Variants in FARP1 observed in about 807,000 individuals in gnomAD.
The protein encoded by FARP1 is FERM, ARH/RhoGEF and pleckstrin domain protein 1, also known as FERM, ARHGEF and pleckstrin domain-containing protein 1.
In FARP1, 52 loss-of-function variants were observed where a neutral mutation model predicts 128.8. The ratio of observed to expected loss-of-function variants is 0.40; its 90% CI spans 0.32 to 0.51. The LOEUF is 0.51. FARP1 is among the 20% of genes least tolerant of loss of function. The pLI, the probability that FARP1 is intolerant of heterozygous loss-of-function variation, is 0.45. For missense variants in FARP1, 1,333 were observed against 1,367.9 expected, an observed-to-expected ratio of 0.97 and a Z score of 0.40; for synonymous variants, 580 against 551.8, an observed-to-expected ratio of 1.05 and a Z score of -0.72.
chr13:98,327,865 A>G (rs1314473662), intron 2 of FARP1, among the ~76,000 whole-genome samples: 1 of 152,208 alleles, frequency 6.6e-6, no homozygotes, highest in African/African-American at 2.4e-5. Context: ...CCAGAAACAG[A>G]CACTTCAGAG....
intron 2 of FARP1, among the ~76,000 whole-genome samples, chr13:98,287,208 C>CTTTTTTTTTTTTTTTTTTTTTTTT (rs71111939): frequency 2.6e-5 from 2 of 75,846 alleles, no homozygotes; most frequent in South Asian, 4.4e-4. Flanking sequence ...TCAGACATGT[C>CTTTTTTTTTTTTTTTTTTTTTTTT]TTTTTTTTTT....
intron 2 of FARP1, among the ~76,000 whole-genome samples, chr13:98,268,608 C>T (rs1303880154): frequency 1.3e-5 from 2 of 152,148 alleles, no homozygotes; most frequent in Non-Finnish European, 2.9e-5. Context: ...CCTGGGATTA[C>T]AGGCGCCCAC....
At chr13:98,444,577 AC>A (rs374740189) in intron 24 of FARP1, among the ~76,000 whole-genome samples, 202 of 152,240 alleles carry the variant, frequency 1.3e-3, no homozygotes, top group African/African-American at 4.8e-3. Context: ...GCCAGGATGG[AC>A]CCGACACAGG....
intron 2 of FARP1, among the ~76,000 whole-genome samples, chr13:98,282,077 G>A (rs1884962452): frequency 6.6e-6 from 1 of 152,102 alleles, no homozygotes; most frequent in African/African-American, 2.4e-5. Context: ...GGCCTAGGTG[G>A]GCGGATCACT....
chr13:98,405,265 T>C (rs1890929511), intron 13 of FARP1: 1 of 152,226 alleles, frequency 6.6e-6, no homozygotes, highest in South Asian at 2.1e-4. Context: ...GGAAGAATGA[T>C]GAGCGTGTTT....
chr13:98,165,710 G>GTTTGTTTTTTTTTTTTTTTTTTTT (rs1877205378), intron 1 of FARP1, among the ~76,000 whole-genome samples: 1 of 74,120 alleles, frequency 1.3e-5, no homozygotes, highest in Non-Finnish European at 2.4e-5. Flanking sequence ...TCCAGAAGGG[G>GTTTGTTTTTTTTTTTTTTTTTTTT]TTTTTTTTTT....
In FARP1 at chr13:98,160,756, C is replaced by T. The variant is rs577704424; in HGVS notation, c.-24+17264C>T. On this transcript the variant is annotated intron_variant, in intron 1 of 26. Coordinates refer to ENST00000319562, the MANE Select transcript of FARP1 (RefSeq NM_005766.4). ...TCGGCTCACTGCAACCTCCACTTCC[C>T]GGTTCAAGTGATTCTCCTGCCTCAG... Among the ~76,000 whole-genome samples, 23 of 152,146 alleles carry T rather than the reference C, an allele frequency of 1.5e-4. No homozygotes were observed. In the East Asian group the frequency reaches 2.3e-3, roughly 15 times the overall value.
intron 16 of FARP1, among the ~76,000 whole-genome samples, chr13:98,418,178 G>A (rs905885856): frequency 2.0e-5 from 3 of 152,142 alleles, no homozygotes; most frequent in African/African-American, 7.2e-5. Flanking sequence ...GCTTTTCAAG[G>A]TGCTAGGATT....
chr13:98,252,677 C>A lies in FARP1; in HGVS notation c.171+39264C>A, dbSNP rs142441312. Among the ~76,000 whole-genome samples the A allele has an allele frequency of 9.6e-3, 1,461 of 152,260 alleles. 18 individuals are homozygous for A. Among genetic ancestry groups the A allele is most frequent in the African/African-American group, 0.033 (1,359 of 41,546 alleles). On this transcript the variant is annotated intron_variant, in intron 2 of 26. Coordinates refer to ENST00000319562, the MANE Select transcript of FARP1 (RefSeq NM_005766.4). ...GTGTTCTTTAAACATTTATTGAAGACCTTTGTCTTTAATACCCACCCACTT... is the reference window on the plus strand; with the variant it reads ...GTGTTCTTTAAACATTTATTGAAGAACTTTGTCTTTAATACCCACCCACTT...
chr13:98,295,094 CACACACACACATATA>C (rs2139678323), intron 2 of FARP1, among the ~76,000 whole-genome samples: 1 of 40,492 alleles, frequency 2.5e-5, no homozygotes, highest in East Asian at 6.2e-4. Flanking sequence ...CACACACACA[CACACACACACATATA>C]TCCCCAGGCA....
intron 1 of FARP1, among the ~76,000 whole-genome samples, chr13:98,145,093 T>A (rs1875421983): frequency 1.3e-5 from 2 of 152,196 alleles, no homozygotes; most frequent in Non-Finnish European, 2.9e-5. Context: ...ATAGAAGCAT[T>A]ATTGGGCAAT....
intron 1 of FARP1, among the ~76,000 whole-genome samples, chr13:98,165,961 C>T (rs1481305955): frequency 1.3e-5 from 2 of 151,928 alleles, no homozygotes; most frequent in Non-Finnish European, 2.9e-5. Flanking sequence ...CTCAGGTGAT[C>T]CACCTGCCTT....
Position 98,417,630 on chromosome 13 carries a change from G to A in FARP1, c.1826+5596G>A, listed in dbSNP as rs561972997. ...AGTCCTGCAGGGGTAAGAGATGTGA[G>A]AAGGGTGTCCTGAGGGATTGGAGAT... On this transcript the variant is annotated intron_variant, in intron 16 of 26. Coordinates refer to ENST00000319562, the MANE Select transcript of FARP1 (RefSeq NM_005766.4). Among the ~76,000 whole-genome samples the A allele has an allele frequency of 9.9e-5, 15 of 152,238 alleles. No individual in the cohort carries two copies. The South Asian group carries it at 3.1e-3, about 32-fold the overall frequency.
chr13:98,379,361 T>C (rs7327322), intron 6 of FARP1, among the ~76,000 whole-genome samples: 56,950 of 149,442 alleles, frequency 0.38, 12,850 homozygotes, highest in African/African-American at 0.65. Context: ...GTAATTTTTA[T>C]CTTTCTTGTG....
intron 2 of FARP1, among the ~76,000 whole-genome samples, chr13:98,337,778 G>T (rs553527491): frequency 1.8e-3 from 281 of 152,028 alleles, no homozygotes; most frequent in African/African-American, 6.6e-3. Flanking sequence ...CTATCTCATC[G>T]TTGGCTTTCA....
intron 2 of FARP1, among the ~76,000 whole-genome samples, chr13:98,259,191 C>T (rs1470094540): frequency 6.6e-6 from 1 of 152,074 alleles, no homozygotes; most frequent in Non-Finnish European, 1.5e-5. Flanking sequence ...ACTGTCACCC[C>T]TGGGCAACAG....
chr13:98,417,918 G>A (rs578112181), intron 16 of FARP1, among the ~76,000 whole-genome samples: 2 of 152,306 alleles, frequency 1.3e-5, no homozygotes, highest in Non-Finnish European at 2.9e-5. Flanking sequence ...TTTGTGCTAG[G>A]TATCATTAAA....
intron 2 of FARP1, chr13:98,338,707 T>C (rs1887842060): frequency 6.6e-6 from 1 of 152,204 alleles, no homozygotes. Context: ...AGACTATTTT[T>C]GTAATTTTGA....
At chr13:98,419,823 A>G (rs1027713278) in intron 16 of FARP1, among the ~76,000 whole-genome samples, 7 of 152,148 alleles carry the variant, frequency 4.6e-5, no homozygotes, top group African/African-American at 9.7e-5. Context: ...TGAACCCTCA[A>G]GCTCCAAGCT....
Sources: gnomAD v4.1 joint callset for allele counts (sites outside exome capture counted in the v4.1 genomes callset) on GRCh38, gnomAD v4.1.1 for gene constraint, MANE v1.5 for transcripts, NCBI Gene and HGNC (gene_info 2026-07-23, HGNC 2026-07-21) for gene names.